The following NXPE2 variants were observed in gnomAD, a reference collection of about 807,000 sequenced individuals.
The protein encoded by NXPE2 is NXPE family member 2.
Under a neutral mutation model 34.4 loss-of-function variants are expected in NXPE2, and 34 were observed. The observed-to-expected ratio is 0.99, with a 90% CI of 0.75 to 1.31. The LOEUF is 1.31. Among genes scored for constraint, NXPE2 ranks in the 40% most tolerant of loss-of-function variants. The pLI is 0.00. For synonymous variants in NXPE2, 235 were observed against 231.3 expected (o/e 1.02, Z -0.15); for missense variants, 649 against 672.5 (o/e 0.97, Z 0.39).
the NXPE2 span, among the ~76,000 whole-genome samples, chr11:114,609,936 T>C: frequency 6.6e-6 from 1 of 151,890 alleles, no homozygotes; most frequent in Non-Finnish European, 1.5e-5. Flanking sequence ...TAATAAGTGT[T>C]GCCTCGTGGG....
the NXPE2 span, among the ~76,000 whole-genome samples, chr11:114,617,888 C>T: frequency 2.3e-4 from 34 of 145,452 alleles, no homozygotes; most frequent in African/African-American, 4.1e-4. Context: ...TCTTACCTGG[C>T]GGATAATAAG....
chr11:114,645,080 T>C, the NXPE2 span, among the ~76,000 whole-genome samples: 1 of 151,810 alleles, frequency 6.6e-6, no homozygotes, highest in African/African-American at 2.4e-5. Context: ...GGCAGGCGGA[T>C]TCCTTGAGGT....
chr11:114,595,822 G>A, the NXPE2 span: 1 of 152,252 alleles, frequency 6.6e-6, no homozygotes, highest in East Asian at 1.9e-4. Context: ...GGAGGGGCCT[G>A]GATCACAAAC....
the NXPE2 span, among the ~76,000 whole-genome samples, chr11:114,598,218 T>A: frequency 1.2e-4 from 17 of 136,578 alleles, no homozygotes; most frequent in Non-Finnish European, 2.6e-4. Flanking sequence ...TTTGACCCCA[T>A]GTCTCACATC....
chr11:114,594,557 C>T, the NXPE2 span: 2 of 730,014 alleles, frequency 2.7e-6, no homozygotes, highest in East Asian at 5.0e-5. Context: ...GCTATTCAAA[C>T]TCCCCTCCTA....
the NXPE2 span, among the ~76,000 whole-genome samples, chr11:114,743,484 G>A: frequency 2.0e-5 from 3 of 150,626 alleles, no homozygotes; most frequent in African/African-American, 7.5e-5. Context: ...GAATAGAATA[G>A]GTTTTTAAAA....
At chr11:114,756,644 C>G in the NXPE2 span, among the ~76,000 whole-genome samples, 3 of 151,822 alleles carry the variant, frequency 2.0e-5, no homozygotes, top group African/African-American at 7.3e-5. Flanking sequence ...TGTAGTGTCC[C>G]TCTCAGAATT....
At chr11:114,735,236 A>G in the NXPE2 span, among the ~76,000 whole-genome samples, 12 of 152,294 alleles carry the variant, frequency 7.9e-5, no homozygotes, top group African/African-American at 2.4e-4. Context: ...TAATCTACAA[A>G]AGAGCTTCAA....
At chr11:114,632,969 T>A in the NXPE2 span, among the ~76,000 whole-genome samples, 1 of 103,304 alleles carries the variant, frequency 9.7e-6, no homozygotes, top group African/African-American at 4.0e-5. Context: ...TAATTATATA[T>A]TATATATTAT....
chr11:114,796,917 A>G, the NXPE2 span, among the ~76,000 whole-genome samples: 1 of 152,256 alleles, frequency 6.6e-6, no homozygotes, highest in Non-Finnish European at 1.5e-5. Flanking sequence ...ATGGAAAAGT[A>G]TGGTGAGTCT....
chr11:114,783,249 C>T, the NXPE2 span, among the ~76,000 whole-genome samples: 1 of 152,118 alleles, frequency 6.6e-6, no homozygotes, highest in Non-Finnish European at 1.5e-5. Flanking sequence ...ACCATAAAAA[C>T]CTAAAGTTAA....
chr11:114,502,604 A>T, the NXPE2 span, among the ~76,000 whole-genome samples: 1 of 152,156 alleles, frequency 6.6e-6, no homozygotes, highest in Non-Finnish European at 1.5e-5. Flanking sequence ...AACCTGTGTG[A>T]TGTTTTTTCT....
At chr11:114,649,118 C>T in the NXPE2 span, among the ~76,000 whole-genome samples, 2 of 150,508 alleles carry the variant, frequency 1.3e-5, no homozygotes, top group African/African-American at 4.9e-5. Flanking sequence ...CAGCAAGCAC[C>T]TCAGCTTGTC....
the NXPE2 span, among the ~76,000 whole-genome samples, chr11:114,757,057 A>T: frequency 6.6e-6 from 1 of 152,140 alleles, no homozygotes; most frequent in Non-Finnish European, 1.5e-5. Flanking sequence ...GCACTTGATA[A>T]AGTCTCAGCG....
chr11:114,585,689 T>G, the NXPE2 span, among the ~76,000 whole-genome samples: 1 of 151,976 alleles, frequency 6.6e-6, no homozygotes, highest in Non-Finnish European at 1.5e-5. Flanking sequence ...AAGAAATTAT[T>G]TAGGTAGACA....
the NXPE2 span, among the ~76,000 whole-genome samples, chr11:114,545,303 G>A: frequency 2.0e-5 from 3 of 152,166 alleles, no homozygotes; most frequent in Non-Finnish European, 4.4e-5. Flanking sequence ...GCCCAAAACT[G>A]GAAGCAACCA....
At chr11:114,481,500 G>C in the NXPE2 span, among the ~76,000 whole-genome samples, 1 of 152,142 alleles carries the variant, frequency 6.6e-6, no homozygotes, top group Non-Finnish European at 1.5e-5. Context: ...GTGTGTGTGT[G>C]TGAAAAAGGA....
At chr11:114,795,112 A>G in the NXPE2 span, among the ~76,000 whole-genome samples, 2 of 152,168 alleles carry the variant, frequency 1.3e-5, no homozygotes, top group Non-Finnish European at 2.9e-5. Flanking sequence ...TTTTTGCCCT[A>G]AGGTAGGAGA....
chr11:114,683,660 C>A (rs369179456), intron 2 of NXPE2, among the ~76,000 whole-genome samples: 1 of 152,158 alleles, frequency 6.6e-6, no homozygotes, highest in African/African-American at 2.4e-5. Context: ...AACTCATGAT[C>A]TGCCCTCCTT....
Sources: allele counts gnomAD v4.1 joint callset (sites outside exome capture counted in the v4.1 genomes callset), GRCh38; gene constraint gnomAD v4.1.1; transcripts MANE v1.5; gene names NCBI Gene and HGNC (gene_info 2026-07-23, HGNC 2026-07-21).